HCRTR2: variants seen among roughly 807,000 people sequenced by gnomAD.
The protein encoded by HCRTR2 is orexin receptor type 2.
Under a neutral mutation model 49.0 loss-of-function variants are expected in HCRTR2, and 22 were observed. That is an observed-to-expected ratio of 0.45 (90% confidence interval 0.32 to 0.64). The LOEUF (loss-of-function observed/expected upper bound fraction) is 0.64, where lower values mean the gene tolerates loss of function less well. Ranked by LOEUF, HCRTR2 falls within the 30% of genes least tolerant of loss-of-function variation. The probability of loss-of-function intolerance (pLI) is 0.04; values close to 1 mark genes in which losing one functional copy is unlikely to be tolerated. For missense variants in HCRTR2, 491 were observed against 559.4 expected, an observed-to-expected ratio of 0.88 and a Z score of 1.23; for synonymous variants, 236 against 205.3, an observed-to-expected ratio of 1.15 and a Z score of -1.28.
intron 1 of HCRTR2, 127 bp from the exon 2 acceptor site, chr6:55,248,512 G>A (rs962941430): frequency 2.8e-5 from 22 of 775,152 alleles, no homozygotes; most frequent in African/African-American, 8.6e-5. Context: ...GTGAAAACAC[G>A]GCACAGCCTT....
At chr6:55,170,488 A>G (rs190639786), upstream of HCRTR2, among the ~76,000 whole-genome samples, 1 of 151,876 alleles carries the variant, frequency 6.6e-6, no homozygotes, top group Non-Finnish European at 1.5e-5. Context: ...CTATTTTGAA[A>G]TGTACATTGA....
intron 1 of HCRTR2, among the ~76,000 whole-genome samples, chr6:55,200,063 T>G (rs749555034): frequency 2.5e-4 from 38 of 152,156 alleles, no homozygotes; most frequent in Non-Finnish European, 4.9e-4. Context: ...CCATCAGATA[T>G]CTCCACCTAT....
In HCRTR2 at chr6:55,197,676, C is replaced by T. The variant is rs137903610; in HGVS notation, c.223+22866C>T. ...TCGCTCTGTCTCCCAGGTTGAAGTGCAGTGGCGTGATCTCGGCTCACTGCA... is the reference window on the plus strand; with the variant it reads ...TCGCTCTGTCTCCCAGGTTGAAGTGTAGTGGCGTGATCTCGGCTCACTGCA... On this transcript the variant is annotated intron_variant, in intron 1 of 6. Coordinates refer to ENST00000370862, the MANE Select transcript of HCRTR2 (RefSeq NM_001384272.1). 5.8e-3 allele frequency among the ~76,000 whole-genome samples: 879 copies of T among 152,210 alleles called. 8 individuals are homozygous for T. The highest frequency in any genetic ancestry group is 0.019 in the African/African-American group (771 of 41,530).
At chr6:55,150,954 G>A (rs2127257911) in intron 1 of HCRTR2, among the ~76,000 whole-genome samples, 1 of 152,126 alleles carries the variant, frequency 6.6e-6, no homozygotes, top group Non-Finnish European at 1.5e-5. Flanking sequence ...CTGTGCATAT[G>A]GAAGTTATGT....
chr6:55,122,214 T>A (rs971348385), intron 1 of HCRTR2, among the ~76,000 whole-genome samples: 2 of 152,142 alleles, frequency 1.3e-5, no homozygotes, highest in Admixed American at 6.6e-5. Context: ...GTCGAGGAAT[T>A]TATCCATTTC....
chr6:55,237,548 G>A (rs540966682), intron 1 of HCRTR2, among the ~76,000 whole-genome samples: 1 of 152,248 alleles, frequency 6.6e-6, no homozygotes, highest in African/African-American at 2.4e-5. Flanking sequence ...TATCAGCTTT[G>A]TTCTCTGTTT....
chr6:55,194,546 T>A (rs1330627557), intron 1 of HCRTR2, among the ~76,000 whole-genome samples: 1 of 152,136 alleles, frequency 6.6e-6, no homozygotes, highest in Non-Finnish European at 1.5e-5. Context: ...ATGTCTGAGA[T>A]GCTGACTAAT....
chr6:55,261,402 T>A (rs1766753562), intron 3 of HCRTR2, among the ~76,000 whole-genome samples: 1 of 152,098 alleles, frequency 6.6e-6, no homozygotes, highest in African/African-American at 2.4e-5. Flanking sequence ...CCACTTTTTT[T>A]TTTATTTTTT....
At chr6:55,258,468 A>T (rs1041633681) in intron 3 of HCRTR2, among the ~76,000 whole-genome samples, 15 of 152,164 alleles carry the variant, frequency 9.9e-5, no homozygotes, top group African/African-American at 3.4e-4. Flanking sequence ...TTTACCAGCA[A>T]TATGTAATTA....
intron 1 of HCRTR2, among the ~76,000 whole-genome samples, chr6:55,121,826 G>A (rs1466059239): frequency 1.3e-5 from 2 of 152,100 alleles, no homozygotes; most frequent in Non-Finnish European, 2.9e-5. Flanking sequence ...TGATCATGCT[G>A]GATAAGCTTT....
chr6:55,153,998 C>G (rs1764697600), intron 1 of HCRTR2, among the ~76,000 whole-genome samples: 1 of 151,568 alleles, frequency 6.6e-6, no homozygotes, highest in African/African-American at 2.4e-5. Flanking sequence ...TTATGAACAA[C>G]TATACACCAA....
At position 55,248,560 on chromosome 6, in the gene HCRTR2, T is replaced by C; in HGVS notation, c.224-79T>C. On this transcript the variant is annotated intron_variant, in intron 1 of 6. Coordinates refer to ENST00000370862, the MANE Select transcript of HCRTR2 (RefSeq NM_001384272.1). ...TTTTTAAATACATATTTGTGGACTT[T>C]ATAGAAATACTGACAGTGTTTCCTC... is the stretch of plus-strand genomic sequence containing the variant. 4.3e-6 allele frequency: 5 copies of C among 1,166,364 alleles called. No individual in the cohort carries two copies. The South Asian group carries it at 6.2e-5, about 14-fold the overall frequency. 72.3% of individuals were successfully genotyped at this position (1,166,364 alleles called of 1,614,324 possible).
chr6:55,118,906 T>C (rs1327247844), intron 1 of HCRTR2, among the ~76,000 whole-genome samples: 1 of 151,908 alleles, frequency 6.6e-6, no homozygotes, highest in Non-Finnish European at 1.5e-5. Flanking sequence ...TCACCTACAT[T>C]AGGTATTTCT....
At chr6:55,200,475 A>G (rs1168429165) in intron 1 of HCRTR2, among the ~76,000 whole-genome samples, 1 of 152,124 alleles carries the variant, frequency 6.6e-6, no homozygotes, top group African/African-American at 2.4e-5. Flanking sequence ...TATGTTGGCC[A>G]GACTGGTGTT....
intron 3 of HCRTR2, among the ~76,000 whole-genome samples, chr6:55,262,527 TAA>T (rs907750878): frequency 3.8e-5 from 5 of 131,322 alleles, no homozygotes; most frequent in East Asian, 4.1e-4. Flanking sequence ...ATATTATATA[TAA>T]TATATATAAT....
intron 3 of HCRTR2, among the ~76,000 whole-genome samples, chr6:55,256,812 T>C (rs1766661878): frequency 6.6e-6 from 1 of 152,140 alleles, no homozygotes; most frequent in Non-Finnish European, 1.5e-5. Flanking sequence ...TCAGGCATTG[T>C]GCCCACCTGG....
chr6:55,213,950 A>T (rs1250068508), intron 1 of HCRTR2, among the ~76,000 whole-genome samples: 2 of 151,622 alleles, frequency 1.3e-5, no homozygotes, highest in Non-Finnish European at 2.9e-5. Flanking sequence ...CAATTATACA[A>T]TATTATGGCT....
chr6:55,226,362 G>A (rs1214594789), intron 1 of HCRTR2, among the ~76,000 whole-genome samples: 2 of 152,130 alleles, frequency 1.3e-5, no homozygotes, highest in African/African-American at 2.4e-5. Context: ...AGGCTGGAGT[G>A]CAATGGTACC....
At chr6:55,119,486 G>A (rs4431435) in intron 1 of HCRTR2, among the ~76,000 whole-genome samples, 152,208 of 152,246 alleles carry the variant, frequency 1, 76,085 homozygotes, top group Non-Finnish European at 1. Context: ...AACTGGCATG[G>A]GATGGTATCT....
Sources: allele counts gnomAD v4.1 joint callset (sites outside exome capture counted in the v4.1 genomes callset), GRCh38; gene constraint gnomAD v4.1.1; transcripts MANE v1.5; gene names NCBI Gene and HGNC (gene_info 2026-07-23, HGNC 2026-07-21).